ERBB4: variants seen among roughly 807,000 people sequenced by gnomAD.
ERBB4 encodes the protein receptor tyrosine-protein kinase erbB-4.
ERBB4 carries 42 observed loss-of-function variants against 158.0 expected under a neutral mutation model. The ratio of observed to expected loss-of-function variants is 0.27; its 90% CI spans 0.21 to 0.34. The LOEUF (loss-of-function observed/expected upper bound fraction) is 0.34. Among genes scored for constraint, ERBB4 ranks in the 10% least tolerant of loss-of-function variants. The pLI is 1.00. For synonymous variants in ERBB4, 583 were observed against 558.7 expected (o/e 1.04, Z -0.61); for missense variants, 1,333 against 1,624.1 (o/e 0.82, Z 3.08).
chr2:211,701,425 C>T (rs988269221), intron 12 of ERBB4, among the ~76,000 whole-genome samples: 4 of 152,106 alleles, frequency 2.6e-5, no homozygotes, highest in African/African-American at 9.7e-5. Context: ...CTTACTTAGA[C>T]CTAACTGAAT....
At chr2:212,512,858 T>C (rs1028177000) in intron 1 of ERBB4, among the ~76,000 whole-genome samples, 1 of 152,166 alleles carries the variant, frequency 6.6e-6, no homozygotes, top group East Asian at 1.9e-4. Context: ...AAAGTTCCCG[T>C]GGCCTGTTTC....
At chr2:212,493,661 T>C (rs1193052422) in intron 1 of ERBB4, among the ~76,000 whole-genome samples, 1 of 151,742 alleles carries the variant, frequency 6.6e-6, no homozygotes, top group Non-Finnish European at 1.5e-5. Flanking sequence ...TAGAATTCAC[T>C]AAAATCAAAT....
rs147340988 is a variant in ERBB4, at chr2:212,388,550, G to A, written c.82+149899C>T. Among the ~76,000 whole-genome samples, 93 of 152,124 alleles carry A rather than the reference G, an allele frequency of 6.1e-4. 2 individuals are homozygous for A. The East Asian group carries it at 0.017, about 28-fold the overall frequency. ...CAGAGCACAAAGGGTAAACACTAGG[G>A]TTAAAGAAGTCACGAACATTTTCCT... On this transcript the variant is annotated intron_variant, in intron 1 of 27. Transcript: ENST00000342788.
intron 20 of ERBB4, among the ~76,000 whole-genome samples, chr2:211,491,523 T>G (rs1014083132): frequency 3.3e-5 from 5 of 152,096 alleles, no homozygotes; most frequent in East Asian, 3.8e-4. Context: ...CAATTTATTA[T>G]GTTTTAGAAC....
intron 11 of ERBB4, 68 bp downstream of exon 11, chr2:211,704,036 G>A: frequency 6.8e-6 from 6 of 884,910 alleles, no homozygotes; most frequent in South Asian, 2.6e-5. Context: ...TGATAGTTTT[G>A]ACTTAATGCA....
intron 19 of ERBB4, among the ~76,000 whole-genome samples, chr2:211,602,631 T>C (rs1255441299): frequency 6.6e-5 from 10 of 152,154 alleles, no homozygotes; most frequent in East Asian, 1.9e-4. Context: ...TATCCTTACA[T>C]AGTACAGTTA....
At chr2:212,076,574 A>G (rs2078280793) in intron 2 of ERBB4, among the ~76,000 whole-genome samples, 1 of 151,976 alleles carries the variant, frequency 6.6e-6, no homozygotes, top group Admixed American at 6.6e-5. Context: ...GTGGTAAGTG[A>G]TCTAGTTGAA....
rs10193055 is a variant in ERBB4, at chr2:212,163,630, A to G, written c.83-38727T>C. 9.5e-3 allele frequency among the ~76,000 whole-genome samples: 1,447 copies of G among 152,166 alleles called. 17 individuals carry two copies. The highest frequency in any genetic ancestry group is 0.033 in the African/African-American group (1,367 of 41,524). On this transcript the variant is annotated intron_variant, in intron 1 of 27. Coordinates refer to ENST00000342788, the MANE Select transcript of ERBB4 (RefSeq NM_005235.3). ...TATAATTTCAGGTGGCACATGAAAA[A>G]ATTGAAGCAATTCAGCATTGTGCCT...
At chr2:212,134,744 T>TA in intron 1 of ERBB4, among the ~76,000 whole-genome samples, 1 of 132,562 alleles carries the variant, frequency 7.5e-6, no homozygotes. Flanking sequence ...AGTGCAGAGG[T>TA]GCAATCTCGG....
intron 1 of ERBB4, among the ~76,000 whole-genome samples, chr2:212,518,338 C>T (rs867722629): frequency 1.4e-4 from 22 of 151,836 alleles, no homozygotes; most frequent in Admixed American, 2.0e-4. Flanking sequence ...TTCATAAAGC[C>T]GTCACTGCAA....
intron 1 of ERBB4, among the ~76,000 whole-genome samples, chr2:212,406,626 T>C (rs2091351575): frequency 6.6e-6 from 1 of 152,142 alleles, no homozygotes; most frequent in Admixed American, 6.6e-5. Context: ...ACGGGTACAT[T>C]AATGAAACAT....
chr2:211,429,912 T>A (rs2063713692), intron 21 of ERBB4, among the ~76,000 whole-genome samples: 1 of 152,186 alleles, frequency 6.6e-6, no homozygotes, highest in African/African-American at 2.4e-5. Flanking sequence ...AATCTTATGT[T>A]CTCAAGACAA....
chr2:211,419,686 G>A (rs1238976512), intron 25 of ERBB4, among the ~76,000 whole-genome samples: 1 of 152,056 alleles, frequency 6.6e-6, no homozygotes, highest in Non-Finnish European at 1.5e-5. Flanking sequence ...CTTGAAAGCA[G>A]AAGTTGTATC....
chr2:212,007,751 C>G (rs1489978652), intron 2 of ERBB4, among the ~76,000 whole-genome samples: 1 of 151,800 alleles, frequency 6.6e-6, no homozygotes, highest in Non-Finnish European at 1.5e-5. Context: ...TTGAAGTTAC[C>G]TGAGAAGAAT....
chr2:212,380,032 C>T (rs746742762), intron 1 of ERBB4, among the ~76,000 whole-genome samples: 1 of 151,420 alleles, frequency 6.6e-6, no homozygotes, highest in Non-Finnish European at 1.5e-5. Flanking sequence ...GGGCTAAGGA[C>T]AGTAAGTCTC....
chr2:211,456,049 C>T (rs955013748), intron 20 of ERBB4, among the ~76,000 whole-genome samples: 4 of 152,114 alleles, frequency 2.6e-5, no homozygotes, highest in Non-Finnish European at 5.9e-5. Context: ...TGCATGTGCA[C>T]CCGAACATAC....
At chr2:211,575,762 G>C (rs1033530910) in intron 19 of ERBB4, among the ~76,000 whole-genome samples, 3 of 152,142 alleles carry the variant, frequency 2.0e-5, no homozygotes, top group Non-Finnish European at 4.4e-5. Context: ...CTGTGGTAAA[G>C]GAGCAGGCAG....
chr2:212,256,357 G>A (rs531651928), intron 1 of ERBB4, among the ~76,000 whole-genome samples: 17 of 151,864 alleles, frequency 1.1e-4, no homozygotes, highest in South Asian at 8.4e-4. Flanking sequence ...CCTTATCATC[G>A]TCATCATTTT....
chr2:211,459,926 C>G (rs2064486768), intron 20 of ERBB4, among the ~76,000 whole-genome samples: 1 of 151,714 alleles, frequency 6.6e-6, no homozygotes, highest in Admixed American at 6.6e-5. Flanking sequence ...TATGGTTAGT[C>G]AACATCAAGT....
Sources: gnomAD v4.1 joint callset for allele counts (sites outside exome capture counted in the v4.1 genomes callset) on GRCh38, gnomAD v4.1.1 for gene constraint, MANE v1.5 for transcripts, NCBI Gene and HGNC (gene_info 2026-07-23, HGNC 2026-07-21) for gene names.